Variants in PRND observed in about 807,000 individuals in gnomAD.
The protein encoded by PRND is prion like protein doppel, also known as prion-like protein doppel.
For synonymous variants in PRND, 94 were observed against 93.2 expected (o/e 1.01, Z -0.05); for missense variants, 227 against 223.3 (o/e 1.02, Z -0.11).
chr20:4,724,634 G>A lies in PRND; in HGVS notation c.83G>A (p.Gly28Asp), dbSNP rs745785796. ...CACCTCTCTGCGGTCCAGACGAGGG[G>A]CATCAAGCACAGAATCAAGTGGAAC... ...FSHLSAVQTR[G>D]IKHRIKWNRK... The change falls in exon 2 of 2, where the codon GGC becomes GAC. Residue 28 changes from glycine to aspartate, a missense_variant. By Grantham distance (94) the Gly-to-Asp change is moderately conservative (BLOSUM62 -1). Transcript: ENST00000305817. The surrounding 1 kb of genome is among the most constrained non-coding windows in gnomAD (Gnocchi z 4.8). 2.2e-5 allele frequency: 35 copies of A among 1,614,072 alleles called. No homozygotes were observed. The highest frequency in any genetic ancestry group is 2.8e-5 in the Non-Finnish European group (33 of 1,180,052).
At position 4,724,869 on chromosome 20, in the gene PRND, C is replaced by A. The variant is rs142334639; in HGVS notation, c.318C>A (p.Thr106=). 1 of 1,614,208 alleles carries A rather than the reference C, an allele frequency of 6.2e-7. No homozygotes were observed. Among genetic ancestry groups the A allele is most frequent in the Non-Finnish European group, 8.5e-7 (1 of 1,180,044 alleles). The change falls in exon 2 of 2, where the codon ACC becomes ACA. Residue 106 remains threonine (T), a synonymous_variant. Transcript: ENST00000305817. This position sits in a 1 kb window ranked among gnomAD's most constrained non-coding sequence, Gnocchi z 4.8. Reference sequence around the variant, plus strand: ...ATGTGACCAAGGAGGCATTTGTCACCGGCTGCATCAATGCCACCCAGGCGG... The same window carrying A: ...ATGTGACCAAGGAGGCATTTGTCACAGGCTGCATCAATGCCACCCAGGCGG... ...EANVTKEAFV[T]GCINATQAAN...
At position 4,725,281 on chromosome 20, in the gene PRND, A is replaced by C; in HGVS notation, c.*199A>C. The stretch of plus-strand genomic sequence containing the variant: ...GATGGGGGACTGTGGCTTCTCCGTC[A>C]CTCCATTCTCAGCCCCTAGCAGAGC... On this transcript the variant is annotated 3_prime_UTR_variant, in exon 2 of 2. Coordinates refer to ENST00000305817, the MANE Select transcript of PRND (RefSeq NM_012409.4). The C allele has an allele frequency of 1.5e-6, 1 of 656,580 alleles. No individual in the cohort carries two copies. 40.7% of individuals were successfully genotyped at this position (656,580 alleles called of 1,614,324 possible). A position where few individuals can be genotyped will look rare whatever the true frequency, so the allele number is the denominator to read the frequency against.
chr20:4,725,275 T>G lies in PRND; in HGVS notation c.*193T>G, dbSNP rs1923231111. On this transcript the variant is annotated 3_prime_UTR_variant, in exon 2 of 2. Transcript: ENST00000305817. ...CTGATAGATGGGGGACTGTGGCTTC[T>G]CCGTCACTCCATTCTCAGCCCCTAG... 4.5e-6 allele frequency: 3 copies of G among 669,526 alleles called. No homozygotes were observed. In the Admixed American group the frequency reaches 8.4e-5, roughly 19 times the overall value. The allele number at this position is 669,526 out of a possible 1,614,324, so 41.5% of individuals were successfully genotyped here.
In PRND at chr20:4,725,076, G is replaced by A; in HGVS notation, c.525G>A (p.Val175=). 6.2e-7 allele frequency: 1 copy of A among 1,612,870 alleles called. No individual in the cohort carries two copies. Among genetic ancestry groups the A allele is most frequent in the South Asian group, 1.1e-5 (1 of 90,940 alleles). The part of the protein sequence containing the change: ...LCLLALIWLT[V]K ...TTCTGGCTTTGATCTGGCTCACGGT[G>A]AAATAAGCTTGCCAGGAGGCTGGCA... Residue 175 remains valine (V), a synonymous_variant, in exon 2 of 2, where the codon GTG becomes GTA. Coordinates refer to ENST00000305817, the MANE Select transcript of PRND (RefSeq NM_012409.4).
chr20:4,721,919 G>A lies in PRND; in HGVS notation c.-62G>A, dbSNP rs1407696061. ...GACCTGGCTGCCAAGAGGGTGTGCT[G>A]GGGGACTGTGCAGCTCGAGGCTCCA... On this transcript the variant is annotated 5_prime_UTR_variant, in exon 1 of 2. Transcript: ENST00000305817. The A allele has an allele frequency of 6.6e-6, 1 of 152,314 alleles. No homozygotes were observed. The highest frequency in any genetic ancestry group is 1.5e-5 in the Non-Finnish European group (1 of 68,180). 9.4% of individuals were successfully genotyped at this position (152,314 alleles called of 1,614,324 possible).
chr20:4,725,098 G>A lies in PRND; in HGVS notation c.*16G>A. On this transcript the variant is annotated 3_prime_UTR_variant, in exon 2 of 2. Transcript: ENST00000305817. Reference sequence around the variant, plus strand: ...GGTGAAATAAGCTTGCCAGGAGGCTGGCAGTACAGAGTGCAGCAGCGAGCA... The same window carrying A: ...GGTGAAATAAGCTTGCCAGGAGGCTAGCAGTACAGAGTGCAGCAGCGAGCA... 1 of 1,610,714 alleles carries A rather than the reference G, an allele frequency of 6.2e-7. No individual in the cohort carries two copies. The highest frequency in any genetic ancestry group is 8.5e-7 in the Non-Finnish European group (1 of 1,178,846).
Position 4,725,210 on chromosome 20 carries a change from A to G in PRND, c.*128A>G. ...GAGCGGCGATGCACTCGCACTGCAA[A>G]TGCCGCTCTCACGTATGCGCCCTGG... On this transcript the variant is annotated 3_prime_UTR_variant, in exon 2 of 2. Transcript: ENST00000305817. 8.2e-7 allele frequency: 1 copy of G among 1,225,162 alleles called. No homozygotes were observed. Among genetic ancestry groups the G allele is most frequent in the Non-Finnish European group, 1.2e-6 (1 of 869,214 alleles). 75.9% of individuals were successfully genotyped at this position (1,225,162 alleles called of 1,614,324 possible).
intron 1 of PRND, among the ~76,000 whole-genome samples, chr20:4,722,764 C>T (rs559114299): frequency 6.6e-5 from 10 of 152,270 alleles, no homozygotes; most frequent in African/African-American, 1.7e-4. Context: ...GCCTAGGAGA[C>T]AGCTTAGGCA....
rs551957084 is a variant in PRND at position 4,724,619 on chromosome 20, C to A, written c.68C>A (p.Ala23Glu). 16 of 1,614,114 alleles carry A rather than the reference C, an allele frequency of 9.9e-6. 1 individual carries two copies. The South Asian group carries it at 1.4e-4, about 14-fold the overall frequency. ...VCMLLFSHLS[A>E]VQTRGIKHRI... ...ATGCTGCTCTTCAGCCACCTCTCTG[C>A]GGTCCAGACGAGGGGCATCAAGCAC... The change falls in exon 2 of 2, where the codon GCG becomes GAG. Residue 23 changes from alanine to glutamate, a missense_variant. Physicochemically the swap from Ala to Glu is moderately radical, Grantham distance 107. Transcript: ENST00000305817. This position sits in a 1 kb window ranked among gnomAD's most constrained non-coding sequence, Gnocchi z 4.8.
In PRND at chr20:4,727,088, A is replaced by G. The variant is rs1443110103; in HGVS notation, c.*2006A>G. ...ACCATGGCAAGAGAGAAAGAAAGAG[A>G]AAGTACTCAGAGGCTGACACTGACA... On this transcript the variant is annotated 3_prime_UTR_variant, in exon 2 of 2. Transcript: ENST00000305817. The G allele has an allele frequency of 6.0e-6, 1 of 166,976 alleles. No individual in the cohort carries two copies. Among genetic ancestry groups the G allele is most frequent in the Non-Finnish European group, 1.5e-5 (1 of 68,110 alleles). 10.3% of individuals were successfully genotyped at this position (166,976 alleles called of 1,614,324 possible). A position where few individuals can be genotyped will look rare whatever the true frequency, so the allele number is the denominator to read the frequency against.
rs1601038972 is a variant in PRND, at chr20:4,725,295, C to T, written c.*213C>T. On this transcript the variant is annotated 3_prime_UTR_variant, in exon 2 of 2. Transcript: ENST00000305817. ...GCTTCTCCGTCACTCCATTCTCAGC[C>T]CCTAGCAGAGCGTCTGGCACACTAG... is the stretch of plus-strand genomic sequence containing the variant. 1.6e-5 allele frequency: 10 copies of T among 612,032 alleles called. No individual in the cohort carries two copies. The East Asian group carries it at 2.8e-4, about 17-fold the overall frequency. The allele number at this position is 612,032 out of a possible 1,614,324, so 37.9% of individuals were successfully genotyped here.
At chr20:4,723,691 G>A (rs1923167874) in intron 1 of PRND, among the ~76,000 whole-genome samples, 1 of 152,210 alleles carries the variant, frequency 6.6e-6, no homozygotes, top group South Asian at 2.1e-4. Context: ...GCTCGTGCCT[G>A]TAATCTCAGC....
intron 1 of PRND, among the ~76,000 whole-genome samples, chr20:4,723,888 T>C (rs1923172772): frequency 6.6e-6 from 1 of 151,800 alleles, no homozygotes; most frequent in African/African-American, 2.4e-5. Context: ...GCTATGATCA[T>C]GCCACTGCAC....
Position 4,724,686 on chromosome 20 carries a change from G to C in PRND, c.135G>C (p.Gln45His), listed in dbSNP as rs760088466. ...WNRKALPSTA[Q>H]ITEAQVAENR... The stretch of plus-strand genomic sequence containing the variant: ...GGAAGGCCCTGCCCAGCACTGCCCA[G>C]ATCACTGAGGCCCAGGTGGCTGAGA... The change falls in exon 2 of 2, where the codon CAG (glutamine) becomes CAC (histidine). Residue 45 changes from glutamine (Q) to histidine (H), a missense_variant. Gln to His is a conservative substitution (Grantham distance 24). Transcript: ENST00000305817. This position sits in a 1 kb window ranked among gnomAD's most constrained non-coding sequence, Gnocchi z 4.8. 6.2e-7 allele frequency: 1 copy of C among 1,614,214 alleles called. No homozygotes were observed. Among genetic ancestry groups the C allele is most frequent in the South Asian group, 1.1e-5 (1 of 91,084 alleles).
chr20:4,728,057 G>A lies in PRND; in HGVS notation c.*2975G>A, dbSNP rs566217302. 6.0e-6 allele frequency: 1 copy of A among 166,526 alleles called. No individual in the cohort carries two copies. The highest frequency in any genetic ancestry group is 2.1e-4 in the South Asian group (1 of 4,808). 10.3% of individuals were successfully genotyped at this position (166,526 alleles called of 1,614,324 possible). A position where few individuals can be genotyped will look rare whatever the true frequency, so the allele number is the denominator to read the frequency against. On this transcript the variant is annotated 3_prime_UTR_variant, in exon 2 of 2. Coordinates refer to ENST00000305817, the MANE Select transcript of PRND (RefSeq NM_012409.4). ...CCTGCCTCGGCCTCCCAAAGTGCTG[G>A]GATTACAGGTGTGAGCCACCACGCC... is the stretch of plus-strand genomic sequence containing the variant.
rs1170310643 is a variant in PRND, at chr20:4,724,659, C to A, written c.108C>A (p.Asn36Lys). The A allele has an allele frequency of 8.1e-6, 13 of 1,614,192 alleles. No homozygotes were observed. The highest frequency in any genetic ancestry group is 1.1e-5 in the Non-Finnish European group (13 of 1,180,040). The change falls in exon 2 of 2, where the codon AAC becomes AAA. Residue 36 changes from asparagine to lysine, a missense_variant. Asn to Lys is a moderately conservative substitution (Grantham distance 94). Coordinates refer to ENST00000305817, the MANE Select transcript of PRND (RefSeq NM_012409.4). This position sits in a 1 kb window ranked among gnomAD's most constrained non-coding sequence, Gnocchi z 4.8. The part of the protein sequence containing the change: ...TRGIKHRIKW[N>K]RKALPSTAQI... ...GCATCAAGCACAGAATCAAGTGGAA[C>A]CGGAAGGCCCTGCCCAGCACTGCCC...
Position 4,725,389 on chromosome 20 carries a change from A to C in PRND, c.*307A>C. On this transcript the variant is annotated 3_prime_UTR_variant, in exon 2 of 2. Transcript: ENST00000305817. ...GCCACCTGCTTCACAGTACTTCCCA[A>C]CAACTCTTAGAGGTAGGTGTATTCC... 1 of 336,804 alleles carries C rather than the reference A, an allele frequency of 3.0e-6. No individual in the cohort carries two copies. Among genetic ancestry groups the C allele is most frequent in the Non-Finnish European group, 5.9e-6 (1 of 170,930 alleles). The allele number at this position is 336,804 out of a possible 1,614,324, so 20.9% of individuals were successfully genotyped here.
chr20:4,725,073 G>A lies in PRND; in HGVS notation c.522G>A (p.Thr174=), dbSNP rs45475194. ...LLCLLALIWL[T]VK ...GCCTTCTGGCTTTGATCTGGCTCAC[G>A]GTGAAATAAGCTTGCCAGGAGGCTG... The change falls in exon 2 of 2, where the codon ACG becomes ACA. Residue 174 remains threonine, a synonymous_variant. Transcript: ENST00000305817. The A allele has an allele frequency of 0.013, 20,991 of 1,612,812 alleles. 176 individuals carry two copies. The highest frequency in any genetic ancestry group is 0.02 in the Middle Eastern group (121 of 6,062).
chr20:4,726,946 A>G lies in PRND; in HGVS notation c.*1864A>G, dbSNP rs1031169612. On this transcript the variant is annotated 3_prime_UTR_variant, in exon 2 of 2. Transcript: ENST00000305817. ...CAGGACTGGGGTTCACGTCACTGCC[A>G]GAGCTACACTCGCCTTCTGCTTCCA... 3.6e-5 allele frequency: 6 copies of G among 167,200 alleles called. No individual in the cohort carries two copies. Among genetic ancestry groups the G allele is most frequent in the Non-Finnish European group, 7.3e-5 (5 of 68,174 alleles). 10.4% of individuals were successfully genotyped at this position (167,200 alleles called of 1,614,324 possible).
Sources: allele counts gnomAD v4.1 joint callset (sites outside exome capture counted in the v4.1 genomes callset), GRCh38; gene constraint gnomAD v4.1.1; non-coding constraint Gnocchi (gnomAD v3.1); transcripts MANE v1.5; gene names NCBI Gene and HGNC (gene_info 2026-07-23, HGNC 2026-07-21).